MGAT4C: variants seen among roughly 807,000 people sequenced by gnomAD.
MGAT4C encodes the protein alpha-1,3-mannosyl-glycoprotein 4-beta-N-acetylglucosaminyltransferase C.
In MGAT4C, 19 loss-of-function variants were observed where a neutral mutation model predicts 40.1. The ratio of observed to expected loss-of-function variants is 0.47; its 90% CI spans 0.33 to 0.70. MGAT4C has a LOEUF of 0.70. Among genes scored for constraint, MGAT4C ranks in the 30% least tolerant of loss-of-function variants. The pLI is 0.02. For synonymous variants in MGAT4C, 181 were observed against 187.1 expected (o/e 0.97, Z 0.27); for missense variants, 491 against 563.2 (o/e 0.87, Z 1.30).
intron 2 of MGAT4C, among the ~76,000 whole-genome samples, chr12:86,606,604 T>A (rs573254946): frequency 1.3e-5 from 2 of 152,170 alleles, no homozygotes; most frequent in Admixed American, 6.5e-5. Context: ...ATAGCCCTAG[T>A]TCCTGTTAAC....
chr12:86,533,244 T>C (rs987904415), intron 2 of MGAT4C, among the ~76,000 whole-genome samples: 4 of 152,058 alleles, frequency 2.6e-5, no homozygotes, highest in Admixed American at 6.6e-5. Flanking sequence ...GGAGGAATCT[T>C]GATGAGCTAC....
chr12:86,140,786 A>AT (rs745482739), intron 1 of MGAT4C, among the ~76,000 whole-genome samples: 57 of 152,318 alleles, frequency 3.7e-4, no homozygotes, highest in Non-Finnish European at 6.6e-4. Context: ...CAAATAGTCA[A>AT]TGTTCATTAT....
intron 2 of MGAT4C, among the ~76,000 whole-genome samples, chr12:86,566,153 C>T (rs991521776): frequency 1.3e-5 from 2 of 152,056 alleles, no homozygotes; most frequent in Admixed American, 1.3e-4. Context: ...ATGGTTAATA[C>T]TGAGTGTCAA....
intron 2 of MGAT4C, among the ~76,000 whole-genome samples, chr12:86,617,848 C>CA (rs1033133027): frequency 5.3e-5 from 8 of 151,852 alleles, no homozygotes; most frequent in Admixed American, 5.3e-4. Flanking sequence ...TATATTAAAG[C>CA]AAAAAATTTC....
At chr12:86,679,791 C>T (rs993679014) in intron 2 of MGAT4C, among the ~76,000 whole-genome samples, 1 of 152,084 alleles carries the variant, frequency 6.6e-6, no homozygotes, top group Non-Finnish European at 1.5e-5. Flanking sequence ...TTGATCTTCT[C>T]AGCCTCCACA....
chr12:86,269,060 A>ATATATATAT (rs1952876337), intron 4 of MGAT4C, among the ~76,000 whole-genome samples: 1 of 76,658 alleles, frequency 1.3e-5, no homozygotes, highest in Non-Finnish European at 2.7e-5. Context: ...ATATATATAT[A>ATATATATAT]TTCTTTTCTT....
At chr12:86,429,220 T>G (rs1214002140) in intron 3 of MGAT4C, among the ~76,000 whole-genome samples, 1 of 152,180 alleles carries the variant, frequency 6.6e-6, no homozygotes, top group African/African-American at 2.4e-5. Flanking sequence ...TCAATGACCT[T>G]TTGGTTGTTC....
At chr12:86,207,799 G>GA (rs1319447178) in intron 1 of MGAT4C, among the ~76,000 whole-genome samples, 2 of 152,012 alleles carry the variant, frequency 1.3e-5, no homozygotes, top group Non-Finnish European at 2.9e-5. Flanking sequence ...TTGTTTTCCT[G>GA]AAAATGAAGA....
chr12:86,625,614 C>A (rs964689785), intron 2 of MGAT4C, among the ~76,000 whole-genome samples: 4 of 151,980 alleles, frequency 2.6e-5, no homozygotes, highest in Non-Finnish European at 5.9e-5. Flanking sequence ...TCCTCAGAGA[C>A]CTCTGGGGCA....
chr12:86,587,758 T>C (rs988104290), intron 2 of MGAT4C, among the ~76,000 whole-genome samples: 5 of 151,244 alleles, frequency 3.3e-5, no homozygotes, highest in African/African-American at 1.2e-4. Flanking sequence ...TTGTCTCTTA[T>C]TGGTGTATAA....
At chr12:86,253,419 C>G (rs966188563) in intron 1 of MGAT4C, among the ~76,000 whole-genome samples, 2 of 151,804 alleles carry the variant, frequency 1.3e-5, no homozygotes, top group African/African-American at 2.4e-5. Context: ...TTTCTGAGTC[C>G]TAGCTCCTCC....
At chr12:86,286,393 G>T (rs1364769080) in intron 4 of MGAT4C, among the ~76,000 whole-genome samples, 1 of 152,026 alleles carries the variant, frequency 6.6e-6, no homozygotes, top group African/African-American at 2.4e-5. Flanking sequence ...TTCAAAATTG[G>T]TAGTACTTAT....
intron 2 of MGAT4C, among the ~76,000 whole-genome samples, chr12:86,609,174 G>GA (rs1342028623): frequency 5.9e-5 from 9 of 151,994 alleles, no homozygotes; most frequent in African/African-American, 1.2e-4. Flanking sequence ...TTATTTGTTA[G>GA]AAAAAACATG....
rs1299520451 is a variant in MGAT4C, at chr12:86,668,276, C to G, written c.-229+58933G>C. On this transcript the variant is annotated intron_variant, in intron 2 of 7. Transcript: ENST00000548651. ...AGGAATCTACCAGAATCATGATGGA[C>G]ACCCCAGATTTCAGGAAGGAAGATG... Among the ~76,000 whole-genome samples the G allele has an allele frequency of 2.0e-5, 3 of 152,242 alleles. No homozygotes were observed. In the East Asian group the frequency reaches 5.8e-4, roughly 30 times the overall value.
At chr12:86,041,151 C>G (rs1247785632) in intron 2 of MGAT4C, among the ~76,000 whole-genome samples, 1 of 150,758 alleles carries the variant, frequency 6.6e-6, no homozygotes, top group East Asian at 1.9e-4. Flanking sequence ...TTTTTTTTTC[C>G]TGTTAGCTCA....
chr12:86,086,066 T>C (rs533600581), intron 1 of MGAT4C, among the ~76,000 whole-genome samples: 1 of 152,196 alleles, frequency 6.6e-6, no homozygotes. Flanking sequence ...TTATAAATCA[T>C]TCTACTATAA....
chr12:86,293,609 T>C (rs1012843853), intron 4 of MGAT4C, among the ~76,000 whole-genome samples: 11 of 152,218 alleles, frequency 7.2e-5, no homozygotes, highest in African/African-American at 2.7e-4. Flanking sequence ...CTTTATGACT[T>C]ATAACAATTG....
chr12:86,331,248 T>C (rs1022930688), intron 4 of MGAT4C, among the ~76,000 whole-genome samples: 4 of 152,194 alleles, frequency 2.6e-5, no homozygotes, highest in Non-Finnish European at 5.9e-5. Flanking sequence ...GTTGCATCCC[T>C]TCTCCCTTGA....
intron 1 of MGAT4C, among the ~76,000 whole-genome samples, chr12:86,120,796 A>G (rs1879256261): frequency 6.6e-6 from 1 of 152,180 alleles, no homozygotes; most frequent in East Asian, 1.9e-4. Context: ...GGAGAAACCA[A>G]AGCAGAAAAG....
Sources: gnomAD v4.1 joint callset for allele counts (sites outside exome capture counted in the v4.1 genomes callset) on GRCh38, gnomAD v4.1.1 for gene constraint, MANE v1.5 for transcripts, NCBI Gene and HGNC (gene_info 2026-07-23, HGNC 2026-07-21) for gene names.